Variants in PCDH7 observed in about 807,000 individuals in gnomAD.
The protein encoded by PCDH7 is protocadherin-7.
PCDH7 carries 17 observed loss-of-function variants against 58.9 expected under a neutral mutation model. The observed-to-expected ratio is 0.29, with a 90% CI of 0.20 to 0.43. PCDH7 has a LOEUF of 0.43. Among genes scored for constraint, PCDH7 ranks in the 20% least tolerant of loss-of-function variants. PCDH7 has a pLI of 1.00. For synonymous variants in PCDH7, 664 were observed against 616.4 expected (o/e 1.08, Z -1.14); for missense variants, 1,274 against 1,441.0 (o/e 0.88, Z 1.88).
intron 3 of PCDH7, among the ~76,000 whole-genome samples, chr4:31,024,356 G>GA (rs1160143070): frequency 2.0e-5 from 3 of 152,038 alleles, no homozygotes; most frequent in African/African-American, 7.2e-5. Context: ...TAGGAGAATT[G>GA]AAAAAATTAC....
At chr4:30,979,428 A>G (rs61792874) in intron 3 of PCDH7, among the ~76,000 whole-genome samples, 33,313 of 152,046 alleles carry the variant, frequency 0.22, 3,807 homozygotes, top group African/African-American at 0.27. Flanking sequence ...CCAAATAAGG[A>G]AATATTAAAG....
At chr4:30,743,125 A>T (rs2109250385) in intron 1 of PCDH7, among the ~76,000 whole-genome samples, 1 of 152,294 alleles carries the variant, frequency 6.6e-6, no homozygotes, top group African/African-American at 2.4e-5. Context: ...AGATGGTGGG[A>T]AATATAAACA....
intron 1 of PCDH7, among the ~76,000 whole-genome samples, chr4:30,889,137 CAAA>C (rs371917620): frequency 6.0e-5 from 3 of 49,996 alleles, no homozygotes; most frequent in Admixed American, 2.4e-4. Flanking sequence ...GCAGATATCT[CAAA>C]AAAAAAAAAA....
intron 3 of PCDH7, among the ~76,000 whole-genome samples, chr4:30,963,577 T>C (rs1207406992): frequency 1.1e-5 from 1 of 93,844 alleles, no homozygotes; most frequent in Non-Finnish European, 2.0e-5. Context: ...CTGCTAGTTA[T>C]GTTTTTTCTC....
At chr4:30,768,758 C>T (rs935684177) in intron 1 of PCDH7, among the ~76,000 whole-genome samples, 2 of 152,126 alleles carry the variant, frequency 1.3e-5, no homozygotes, top group Admixed American at 6.5e-5. Flanking sequence ...CTATTTCCTA[C>T]GTATCTTTAA....
At chr4:31,093,084 T>C (rs1450497420) in intron 3 of PCDH7, among the ~76,000 whole-genome samples, 2 of 152,110 alleles carry the variant, frequency 1.3e-5, no homozygotes, top group East Asian at 1.9e-4. Context: ...TAATGTGCAG[T>C]AGGGAATCTG....
At chr4:31,055,071 A>G (rs1029673199) in intron 3 of PCDH7, among the ~76,000 whole-genome samples, 2 of 152,088 alleles carry the variant, frequency 1.3e-5, no homozygotes, top group Non-Finnish European at 2.9e-5. Context: ...AAGCATTTAT[A>G]TTTCATCGTA....
intron 1 of PCDH7, among the ~76,000 whole-genome samples, chr4:30,798,062 C>T (rs529070876): frequency 6.2e-4 from 95 of 152,230 alleles, no homozygotes; most frequent in Non-Finnish European, 7.6e-4. Context: ...TACCCATATG[C>T]GATAAATACA....
chr4:30,728,290 T>TAC (rs1360784357), intron 1 of PCDH7, among the ~76,000 whole-genome samples: 2 of 93,706 alleles, frequency 2.1e-5, no homozygotes, highest in African/African-American at 7.7e-5. Flanking sequence ...TATATATATA[T>TAC]ATATATAGAG....
At position 30,731,144 on chromosome 4, in the gene PCDH7, A is replaced by T. The variant is rs188232620; in HGVS notation, c.*356A>T. The T allele has an allele frequency of 7.0e-4, 711 of 1,018,888 alleles. 8 individuals carry two copies. The East Asian group carries it at 9.0e-3, about 13-fold the overall frequency. 63.1% of individuals were successfully genotyped at this position (1,018,888 alleles called of 1,614,324 possible). A position where few individuals can be genotyped will look rare whatever the true frequency, so the allele number is the denominator to read the frequency against. ...TTTGAGACTTTGTGTGAACAAAGGG[A>T]AATTCAGCCTCTTATGTCTTTGTCT... On this transcript the variant is annotated 3_prime_UTR_variant, in exon 2 of 2. Transcript: ENST00000361762.
intron 1 of PCDH7, among the ~76,000 whole-genome samples, chr4:30,825,559 GTA>G (rs1728997084): frequency 6.6e-6 from 1 of 152,208 alleles, no homozygotes; most frequent in African/African-American, 2.4e-5. Flanking sequence ...TCAGAAATCT[GTA>G]TTGCTGTTAT....
intron 3 of PCDH7, among the ~76,000 whole-genome samples, chr4:30,991,598 G>A (rs905700234): frequency 2.0e-5 from 3 of 152,050 alleles, no homozygotes; most frequent in Admixed American, 1.3e-4. Flanking sequence ...TTAGATCCTC[G>A]GGTTCTCATT....
chr4:31,123,585 C>A (rs2109326794), intron 3 of PCDH7, among the ~76,000 whole-genome samples: 1 of 152,260 alleles, frequency 6.6e-6, no homozygotes, highest in Admixed American at 6.5e-5. Context: ...CTCTGGAGCC[C>A]CAGAGGGTGT....
chr4:30,785,918 A>G (rs1237719302), intron 1 of PCDH7, among the ~76,000 whole-genome samples: 1 of 152,052 alleles, frequency 6.6e-6, no homozygotes, highest in African/African-American at 2.4e-5. Flanking sequence ...CATCAATTGT[A>G]CCACCATCGA....
At chr4:30,781,646 C>T (rs1443742794) in intron 1 of PCDH7, among the ~76,000 whole-genome samples, 2 of 151,374 alleles carry the variant, frequency 1.3e-5, no homozygotes, top group Non-Finnish European at 2.9e-5. Context: ...AAGCGATTCT[C>T]CTGCCTCAGC....
In PCDH7 at chr4:31,094,705, G is replaced by A. The variant is rs180883516; in HGVS notation, c.*8-47768G>A. ...GCCCTTCGTCCAGATACCACTGATAGGAAACACATAAACAAACAAAAAAAA... is the reference window on the plus strand; with the variant it reads ...GCCCTTCGTCCAGATACCACTGATAAGAAACACATAAACAAACAAAAAAAA... On this transcript the variant is annotated intron_variant, in intron 3 of 3. Coordinates refer to the PCDH7 transcript ENST00000509759. Among the ~76,000 whole-genome samples the A allele has an allele frequency of 1.4e-3, 211 of 152,120 alleles. 1 individual carries two copies. Among genetic ancestry groups the A allele is most frequent in the African/African-American group, 4.7e-3 (197 of 41,500 alleles).
chr4:30,872,135 T>A (rs978419413), intron 1 of PCDH7, among the ~76,000 whole-genome samples: 1 of 152,124 alleles, frequency 6.6e-6, no homozygotes, highest in African/African-American at 2.4e-5. Flanking sequence ...ACAGATAAAT[T>A]GGGTTCCTCT....
intron 1 of PCDH7, among the ~76,000 whole-genome samples, chr4:30,896,469 A>G (rs1739400366): frequency 6.6e-6 from 1 of 152,154 alleles, no homozygotes; most frequent in South Asian, 2.1e-4. Context: ...CATTTTTATA[A>G]AAGTTATAAA....
chr4:31,105,469 A>G (rs967288001), intron 3 of PCDH7, among the ~76,000 whole-genome samples: 1 of 151,838 alleles, frequency 6.6e-6, no homozygotes, highest in Non-Finnish European at 1.5e-5. Flanking sequence ...AGATTGAGAA[A>G]CTCCCTGAAT....
Sources: gnomAD v4.1 joint callset for allele counts (sites outside exome capture counted in the v4.1 genomes callset) on GRCh38, gnomAD v4.1.1 for gene constraint, MANE v1.5 for transcripts, NCBI Gene and HGNC (gene_info 2026-07-23, HGNC 2026-07-21) for gene names.